SPATS2L: variants seen among roughly 807,000 people sequenced by gnomAD.
SPATS2L encodes SPATS2-like protein.
Under a neutral mutation model 59.6 loss-of-function variants are expected in SPATS2L, and 30 were observed. The observed-to-expected ratio is 0.50, with a 90% confidence interval of 0.38 to 0.68. SPATS2L has a LOEUF of 0.68. SPATS2L is among the 30% of genes least tolerant of loss of function. The pLI is 0.00. For synonymous variants in SPATS2L, 252 were observed against 263.5 expected (o/e 0.96, Z 0.42); for missense variants, 615 against 700.0 (o/e 0.88, Z 1.37).
In SPATS2L at chr2:200,436,120, A is replaced by G. The variant is rs541425826; in HGVS notation, c.446-3002A>G. ...GAGGCTTATGTGTGAATCAGCCCCC[A>G]TTGAGCTACAACCTGTTGAAGTTTA... On this transcript the variant is annotated intron_variant, in intron 6 of 12. Transcript: ENST00000409140. Among the ~76,000 whole-genome samples, 3 of 152,248 alleles carry G rather than the reference A, an allele frequency of 2.0e-5. No homozygotes were observed. The East Asian group carries it at 5.8e-4, about 29-fold the overall frequency.
chr2:200,477,656 A>T lies in SPATS2L; in HGVS notation c.1302A>T (p.Arg434Ser). The change falls in exon 13 of 13, where the codon AGA (arginine) becomes AGT (serine). Residue 434 changes from arginine (R) to serine (S), a missense_variant. Physicochemically the swap from Arg to Ser is moderately radical, Grantham distance 110. Transcript: ENST00000409140. Reference protein sequence around the residue: ...ANKQNGSSNQRRRFNPQYHNN... With the variant: ...ANKQNGSSNQSRRFNPQYHNN... The stretch of plus-strand genomic sequence containing the variant: ...GGTAGAATGGATCTTCTAACCAAAG[A>T]CGGAGATTTAATCCACAGTATCATA... 6.4e-7 allele frequency: 1 copy of T among 1,551,918 alleles called. No individual in the cohort carries two copies.
intron 3 of SPATS2L, among the ~76,000 whole-genome samples, chr2:200,394,485 C>T (rs1023064108): frequency 2.0e-5 from 3 of 152,298 alleles, no homozygotes; most frequent in African/African-American, 7.2e-5. Flanking sequence ...TCTGTCTCCC[C>T]ATGTGAGACT....
At chr2:200,371,887 C>T (rs1051586915) in intron 2 of SPATS2L, among the ~76,000 whole-genome samples, 2 of 152,170 alleles carry the variant, frequency 1.3e-5, no homozygotes, top group African/African-American at 2.4e-5. Flanking sequence ...TTTGTGTCAT[C>T]GAACAGCTTC....
intron 8 of SPATS2L, among the ~76,000 whole-genome samples, chr2:200,452,375 G>T (rs1472282549): frequency 6.6e-6 from 1 of 152,146 alleles, no homozygotes; most frequent in African/African-American, 2.4e-5. Context: ...ATAAGAAAAA[G>T]AAATCCCTGT....
chr2:200,387,867 A>C (rs2082040292), intron 2 of SPATS2L, among the ~76,000 whole-genome samples: 1 of 152,222 alleles, frequency 6.6e-6, no homozygotes, highest in African/African-American at 2.4e-5. Flanking sequence ...AAAAGATTGA[A>C]TCTATTAAAG....
At chr2:200,384,582 G>T (rs1313833926) in intron 2 of SPATS2L, among the ~76,000 whole-genome samples, 1 of 152,148 alleles carries the variant, frequency 6.6e-6, no homozygotes, top group African/African-American at 2.4e-5. Flanking sequence ...TTGATCTCCT[G>T]ACCTCGTGAT....
At position 200,404,424 on chromosome 2, in the gene SPATS2L, TG is replaced by T. The variant is rs2082626790; in HGVS notation, c.40-7886del. Among the ~76,000 whole-genome samples, 5 of 152,236 alleles carry T rather than the reference TG, an allele frequency of 3.3e-5. No homozygotes were observed. The South Asian group carries it at 1.0e-3, about 32-fold the overall frequency. ...CTTACTCTTTTGTCAGCTCGTTGGA[TG>T]CAAAGATTGTGTGAGATTCATTTCA... is the stretch of plus-strand genomic sequence containing the variant. On this transcript the variant is annotated intron_variant, in intron 3 of 12. Coordinates refer to ENST00000409140, the MANE Select transcript of SPATS2L (RefSeq NM_001100423.2).
At chr2:200,422,491 C>T (rs955808938) in intron 6 of SPATS2L, among the ~76,000 whole-genome samples, 1 of 141,722 alleles carries the variant, frequency 7.1e-6, no homozygotes. Flanking sequence ...GAACTGTGAT[C>T]GTGCCACTGC....
rs372428569 is a variant in SPATS2L at position 200,430,692 on chromosome 2, C to A, written c.446-8430C>A. 1.8e-4 allele frequency among the ~76,000 whole-genome samples: 26 copies of A among 147,806 alleles called. No homozygotes were observed. The South Asian group carries it at 5.6e-3, about 32-fold the overall frequency. On this transcript the variant is annotated intron_variant, in intron 6 of 12. Transcript: ENST00000409140. ...CATATTTCTTTTAATTGTTCCCAAA[C>A]TGTTGTCCGTGTGAATTGTTTCCTT...
chr2:200,383,137 A>T (rs1471969272), intron 2 of SPATS2L, among the ~76,000 whole-genome samples: 1 of 152,118 alleles, frequency 6.6e-6, no homozygotes, highest in African/African-American at 2.4e-5. Context: ...GAGTATTTGC[A>T]TCTTTAACAA....
chr2:200,344,110 G>A (rs1203904697), intron 2 of SPATS2L, among the ~76,000 whole-genome samples: 1 of 151,772 alleles, frequency 6.6e-6, no homozygotes, highest in Non-Finnish European at 1.5e-5. Flanking sequence ...TGCATGTCCA[G>A]GTTTGTTATA....
intron 6 of SPATS2L, among the ~76,000 whole-genome samples, chr2:200,426,467 G>T (rs745934717): frequency 3.9e-5 from 6 of 152,214 alleles, no homozygotes; most frequent in Non-Finnish European, 8.8e-5. Flanking sequence ...AGTGGCTCAT[G>T]CCTATAATCC....
chr2:200,444,185 T>G (rs973480828), intron 8 of SPATS2L, among the ~76,000 whole-genome samples: 3 of 152,202 alleles, frequency 2.0e-5, no homozygotes, highest in Non-Finnish European at 2.9e-5. Flanking sequence ...CTGGAAAATA[T>G]TCATCCTTTG....
At chr2:200,352,528 T>A (rs2080776618) in intron 2 of SPATS2L, among the ~76,000 whole-genome samples, 1 of 151,886 alleles carries the variant, frequency 6.6e-6, no homozygotes. Context: ...TTTTTTTTCC[T>A]TTTTTAACCC....
chr2:200,388,295 G>T (rs2082056791), intron 2 of SPATS2L, among the ~76,000 whole-genome samples: 1 of 152,248 alleles, frequency 6.6e-6, no homozygotes, highest in African/African-American at 2.4e-5. Flanking sequence ...GCAGAGGACA[G>T]GTGCATGGCT....
intron 2 of SPATS2L, among the ~76,000 whole-genome samples, chr2:200,349,172 G>T (rs1417178628): frequency 1.3e-5 from 2 of 152,302 alleles, no homozygotes; most frequent in South Asian, 2.1e-4. Flanking sequence ...CAGGCCTGTA[G>T]TTGGCATCAC....
rs184122728 is a variant in SPATS2L at position 200,419,329 on chromosome 2, C to G, written c.278C>G (p.Ala93Gly). The change falls in exon 6 of 13, where the codon GCA (alanine) becomes GGA (glycine). Residue 93 changes from alanine (A) to glycine (G), a missense_variant. Physicochemically the swap from Ala to Gly is moderately conservative, Grantham distance 60. Around this residue, in one of 3 missense-constraint regions of SPATS2L, gnomAD observed 227 missense variants for 257.4 expected, o/e 0.88. Transcript: ENST00000409140. ...DAKDKVERPE[A>G]GPLQPQPPQI... ...AAAGACAAGGTGGAGAGGCCTGAGGCAGGGCCCCTGCAGCCGCAGCCACCA... is the reference window on the plus strand; with the variant it reads ...AAAGACAAGGTGGAGAGGCCTGAGGGAGGGCCCCTGCAGCCGCAGCCACCA... 6.2e-7 allele frequency: 1 copy of G among 1,609,524 alleles called. No homozygotes were observed. Among genetic ancestry groups the G allele is most frequent in the Admixed American group, 1.7e-5 (1 of 59,292 alleles).
intron 2 of SPATS2L, among the ~76,000 whole-genome samples, chr2:200,361,078 C>A (rs2081087026): frequency 1.8e-5 from 2 of 112,052 alleles, no homozygotes; most frequent in African/African-American, 8.0e-5. Flanking sequence ...TTCCCCACCC[C>A]ACCCCCCCAC....
intron 6 of SPATS2L, among the ~76,000 whole-genome samples, chr2:200,424,378 G>A (rs1020994981): frequency 6.6e-6 from 1 of 151,912 alleles, no homozygotes; most frequent in Non-Finnish European, 1.5e-5. Flanking sequence ...AGTCCCAGCT[G>A]CTTGGGAGGT....
Sources: allele counts gnomAD v4.1 joint callset (sites outside exome capture counted in the v4.1 genomes callset), GRCh38; gene constraint gnomAD v4.1.1; regional missense constraint gnomAD v4.1.1; transcripts MANE v1.5; gene names NCBI Gene and HGNC (gene_info 2026-07-23, HGNC 2026-07-21).